Variants in HACD3 observed in about 807,000 individuals in gnomAD.
The protein encoded by HACD3 is very-long-chain (3R)-3-hydroxyacyl-CoA dehydratase 3.
In HACD3, 30 loss-of-function variants were observed where a neutral mutation model predicts 55.2. The ratio of observed to expected loss-of-function variants is 0.54; its 90% CI spans 0.41 to 0.74. The LOEUF (loss-of-function observed/expected upper bound fraction) is 0.74. Among genes scored for constraint, HACD3 ranks in the 30% least tolerant of loss-of-function variants. HACD3 has a pLI of 0.00. For missense variants in HACD3, 363 were observed against 440.1 expected, an observed-to-expected ratio of 0.82 and a Z score of 1.57; for synonymous variants, 141 against 151.7, an observed-to-expected ratio of 0.93 and a Z score of 0.52.
intron 7 of HACD3, among the ~76,000 whole-genome samples, chr15:65,568,943 A>T (rs771859809): frequency 3.8e-4 from 58 of 152,114 alleles, no homozygotes; most frequent in Non-Finnish European, 7.6e-4. Context: ...CTATAGCCAC[A>T]TGCATCAACA....
intron 8 of HACD3, 42 bp downstream of exon 8, chr15:65,570,245 GTTT>G: frequency 7.3e-7 from 1 of 1,370,586 alleles, no homozygotes. Context: ...GCTGCTCCCT[GTTT>G]GCAGCAGCTC....
At chr15:65,564,386 T>C in intron 7 of HACD3, 44 bp downstream of exon 7, 1 of 1,596,678 alleles carries the variant, frequency 6.3e-7, no homozygotes, top group Non-Finnish European at 8.6e-7. Context: ...GAAGGTCCCA[T>C]TATTTGTCTA....
intron 1 of HACD3, among the ~76,000 whole-genome samples, chr15:65,545,177 A>G (rs1043052884): frequency 7.9e-5 from 12 of 152,228 alleles, no homozygotes; most frequent in Admixed American, 7.9e-4. Flanking sequence ...TAATTACAAA[A>G]GGAAACACTA....
chr15:65,531,568 T>G (rs199838973), intron 1 of HACD3: 1 of 145,022 alleles, frequency 6.9e-6, no homozygotes, highest in Non-Finnish European at 1.5e-5. Flanking sequence ...TCTTTTTTTT[T>G]CTTTTCTTTT....
At chr15:65,552,587 C>T (rs1056703006) in intron 2 of HACD3, among the ~76,000 whole-genome samples, 9 of 152,030 alleles carry the variant, frequency 5.9e-5, no homozygotes, top group South Asian at 2.1e-4. Context: ...CTGCCCACCT[C>T]GGCCTCTCGA....
At chr15:65,545,070 T>C (rs557943868) in intron 1 of HACD3, among the ~76,000 whole-genome samples, 6 of 151,614 alleles carry the variant, frequency 4.0e-5, no homozygotes, top group African/African-American at 1.5e-4. Context: ...ACCTCCAGTG[T>C]AAAATTGCAT....
At chr15:65,573,220 AG>A (rs2072368491) in intron 10 of HACD3, among the ~76,000 whole-genome samples, 1 of 152,156 alleles carries the variant, frequency 6.6e-6, no homozygotes, top group African/African-American at 2.4e-5. Flanking sequence ...AACTAACAGA[AG>A]GGAAAAAGAA....
chr15:65,560,190 A>G (rs1013303231), intron 5 of HACD3, among the ~76,000 whole-genome samples: 2 of 151,906 alleles, frequency 1.3e-5, no homozygotes, highest in African/African-American at 4.8e-5. Context: ...GCTGCTTTTG[A>G]TTGACCACAT....
intron 7 of HACD3, chr15:65,565,750 T>C (rs917243345): frequency 2.6e-5 from 4 of 152,208 alleles, no homozygotes; most frequent in Non-Finnish European, 4.4e-5. Flanking sequence ...GGGGATTACA[T>C]TGGGGATTAC....
Position 65,533,808 on chromosome 15 carries a change from A to G in HACD3, c.87+3090A>G, listed in dbSNP as rs183484377. The stretch of plus-strand genomic sequence containing the variant: ...GGCTCATGCCTGTAATCCCAGCACT[A>G]TGGGAGGCCGAGACGGGCGGATCAT... On this transcript the variant is annotated intron_variant, in intron 1 of 10. Transcript: ENST00000261875. Among the ~76,000 whole-genome samples, 503 of 151,180 alleles carry G rather than the reference A, an allele frequency of 3.3e-3. 6 individuals carry two copies. The South Asian group carries it at 0.034, about 10-fold the overall frequency.
rs545065173 is a variant in HACD3 at position 65,560,885 on chromosome 15, C to T, written c.422-1889C>T. 6.6e-4 allele frequency among the ~76,000 whole-genome samples: 100 copies of T among 151,500 alleles called. 2 individuals are homozygous for T. In the South Asian group the frequency reaches 0.019, roughly 29 times the overall value. On this transcript the variant is annotated intron_variant, in intron 5 of 10. Coordinates refer to ENST00000261875, the MANE Select transcript of HACD3 (RefSeq NM_016395.4). Reference sequence around the variant, plus strand: ...GATGCCTACTTCTCCAGCCTAATGTCGTTTTTTCACCTTGAAAGTTTCACA... The same window carrying T: ...GATGCCTACTTCTCCAGCCTAATGTTGTTTTTTCACCTTGAAAGTTTCACA...
intron 1 of HACD3, among the ~76,000 whole-genome samples, chr15:65,541,469 C>T (rs1030463280): frequency 3.3e-5 from 5 of 152,056 alleles, no homozygotes; most frequent in Non-Finnish European, 7.4e-5. Flanking sequence ...AAACACACAT[C>T]GTAGGGAAAC....
chr15:65,554,225 T>C (rs922209227), intron 2 of HACD3, among the ~76,000 whole-genome samples: 1 of 152,182 alleles, frequency 6.6e-6, no homozygotes, highest in Non-Finnish European at 1.5e-5. Flanking sequence ...TAAATTTATA[T>C]CCGTGTGGCT....
intron 1 of HACD3, among the ~76,000 whole-genome samples, chr15:65,545,599 A>G (rs1017526389): frequency 1.4e-5 from 2 of 141,886 alleles, no homozygotes; most frequent in African/African-American, 2.7e-5. Context: ...GCCTGCCACC[A>G]GGCCCGGCTA....
chr15:65,545,455 ATTTT>A (rs1166511305), intron 1 of HACD3, among the ~76,000 whole-genome samples: 3 of 141,228 alleles, frequency 2.1e-5, no homozygotes, highest in Admixed American at 7.1e-5. Flanking sequence ...TGGATCCTGG[ATTTT>A]TTTTTTTTTT....
chr15:65,551,276 G>C (rs1392905123), intron 1 of HACD3: 3 of 174,518 alleles, frequency 1.7e-5, no homozygotes, highest in Admixed American at 1.2e-4. Context: ...ATAACTATTT[G>C]ATATCTTCTC....
At position 65,577,792 on chromosome 15, in the gene HACD3, G is replaced by A. The variant is rs11539010; in HGVS notation, c.*1413G>A. On this transcript the variant is annotated 3_prime_UTR_variant, in exon 11 of 11. Transcript: ENST00000261875. ...GGACACTGAAAACAGCAAGAACTTC[G>A]GGGTGAACACCCGCTGATCCTTTAA... 0.21 allele frequency: 31,338 copies of A among 152,324 alleles called. 3,585 individuals carry two copies. Among genetic ancestry groups the A allele is most frequent in the African/African-American group, 0.3 (12,513 of 41,436 alleles). 9.4% of individuals were successfully genotyped at this position (152,324 alleles called of 1,614,324 possible).
chr15:65,537,950 AAAAAAAAAATATATATATAT>A (rs1209517032), intron 1 of HACD3, among the ~76,000 whole-genome samples: 90 of 52,452 alleles, frequency 1.7e-3, no homozygotes, highest in East Asian at 0.014. Context: ...AAAAAAAAAA[AAAAAAAAAATATATATATAT>A]ATATATATAT....
chr15:65,536,261 G>C (rs1039133794), intron 1 of HACD3, among the ~76,000 whole-genome samples: 3 of 151,622 alleles, frequency 2.0e-5, no homozygotes, highest in Non-Finnish European at 4.4e-5. Context: ...GCCTCCCAAA[G>C]TGCTGGGATT....
Sources: gnomAD v4.1 joint callset for allele counts (sites outside exome capture counted in the v4.1 genomes callset) on GRCh38, gnomAD v4.1.1 for gene constraint, MANE v1.5 for transcripts, NCBI Gene and HGNC (gene_info 2026-07-23, HGNC 2026-07-21) for gene names.